SEPTIN2: variants seen among roughly 807,000 people sequenced by gnomAD.
SEPTIN2 encodes septin-2.
In SEPTIN2, 34 loss-of-function variants were observed where a neutral mutation model predicts 46.5. That is an observed-to-expected ratio of 0.73 (90% CI 0.56 to 0.97). The LOEUF is 0.97. Among genes scored for constraint, SEPTIN2 ranks in the 50% least tolerant of loss-of-function variants. The pLI is 0.00. For synonymous variants in SEPTIN2, 175 were observed against 153.4 expected (o/e 1.14, Z -1.04); for missense variants, 347 against 448.4 (o/e 0.77, Z 2.04).
intron 3 of SEPTIN2, among the ~76,000 whole-genome samples, chr2:241,329,165 G>A (rs932903530): frequency 6.6e-6 from 1 of 151,860 alleles, no homozygotes; most frequent in Non-Finnish European, 1.5e-5. Flanking sequence ...TCGCTCTGTT[G>A]CCCAGGCTGG....
At chr2:241,323,056 A>C (rs1246583302) in intron 1 of SEPTIN2, among the ~76,000 whole-genome samples, 3 of 152,054 alleles carry the variant, frequency 2.0e-5, no homozygotes, top group African/African-American at 7.2e-5. Context: ...TTTTGTAGAG[A>C]TAGGGTTTTG....
chr2:241,326,245 A>G, intron 3 of SEPTIN2, 132 bp downstream of exon 3: 1 of 771,006 alleles, frequency 1.3e-6, no homozygotes, highest in Non-Finnish European at 1.9e-6. Context: ...AATTTGAACA[A>G]ATATATGTGT....
At chr2:241,339,450 T>A (rs958275386) in intron 7 of SEPTIN2, among the ~76,000 whole-genome samples, 1 of 152,058 alleles carries the variant, frequency 6.6e-6, no homozygotes, top group Non-Finnish European at 1.5e-5. Flanking sequence ...AGAACATAGC[T>A]TATGTTTTTG....
chr2:241,348,767 T>C (rs2060509953), intron 11 of SEPTIN2, among the ~76,000 whole-genome samples: 1 of 152,190 alleles, frequency 6.6e-6, no homozygotes. Flanking sequence ...GTCACTGATA[T>C]TTGTAAGTAG....
Position 241,350,133 on chromosome 2 carries a change from G to T in SEPTIN2, c.1045G>T (p.Gly349Cys). Residue 349 changes from glycine (G) to cysteine (C), a missense_variant, in exon 12 of 13, where the codon GGC (glycine) becomes TGC (cysteine). By Grantham distance (159) the Gly-to-Cys change is radical. Coordinates refer to ENST00000391971, the MANE Select transcript of SEPTIN2 (RefSeq NM_004404.5). ...MQAQMQMQMQ[G>C]GDGDGGALGH... Reference sequence around the variant, plus strand: ...GGCGCAGATGCAGATGCAGATGCAGGGCGGGGATGGCGATGGCGGGGCTCT... The same window carrying T: ...GGCGCAGATGCAGATGCAGATGCAGTGCGGGGATGGCGATGGCGGGGCTCT... 1 of 1,614,020 alleles carries T rather than the reference G, an allele frequency of 6.2e-7. No individual in the cohort carries two copies. Among genetic ancestry groups the T allele is most frequent in the East Asian group, 2.2e-5 (1 of 44,886 alleles).
chr2:241,337,460 C>T lies in SEPTIN2; in HGVS notation c.420C>T (p.His140=). 1 of 1,614,046 alleles carries T rather than the reference C, an allele frequency of 6.2e-7. No homozygotes were observed. ...LHDESGLNRR[H]IIDNRVHCCF... is the part of the protein sequence containing the mutation. ...ACGAGAGCGGCTTGAACAGGCGGCACATCATTGATAATAGGGTGCATTGTT... is the reference window on the plus strand; with the variant it reads ...ACGAGAGCGGCTTGAACAGGCGGCATATCATTGATAATAGGGTGCATTGTT... The change falls in exon 6 of 13, where the codon CAC becomes CAT. Residue 140 remains histidine, a synonymous_variant. Coordinates refer to ENST00000391971, the MANE Select transcript of SEPTIN2 (RefSeq NM_004404.5).
Position 241,353,079 on chromosome 2 carries a change from T to G in SEPTIN2, c.*1142T>G, listed in dbSNP as rs2060897882. ...TGAGTTTCCTTTAAATACTCCCTTT[T>G]TGAGTAATTTTCTGATGGGAGGAAA... On this transcript the variant is annotated 3_prime_UTR_variant, in exon 13 of 13. Transcript: ENST00000391971. The G allele has an allele frequency of 6.6e-6, 1 of 152,208 alleles. No homozygotes were observed. The highest frequency in any genetic ancestry group is 2.4e-5 in the African/African-American group (1 of 41,462). 9.4% of individuals were successfully genotyped at this position (152,208 alleles called of 1,614,324 possible).
intron 7 of SEPTIN2, among the ~76,000 whole-genome samples, chr2:241,338,735 A>G (rs1463821178): frequency 5.1e-5 from 6 of 116,952 alleles, no homozygotes; most frequent in African/African-American, 1.7e-4. Context: ...TATATATATT[A>G]TATTATTTAT....
chr2:241,326,786 C>T (rs1422960945), intron 3 of SEPTIN2, among the ~76,000 whole-genome samples: 1 of 152,154 alleles, frequency 6.6e-6, no homozygotes, highest in Admixed American at 6.5e-5. Context: ...TGTAAGTGAC[C>T]CGTTTCAGAA....
At chr2:241,320,106 C>T in intron 1 of SEPTIN2, 1 of 393,646 alleles carries the variant, frequency 2.5e-6, no homozygotes. Flanking sequence ...CTATGGCGTT[C>T]ATTCATTCCT....
rs2080179197 is a variant in SEPTIN2 at position 241,337,243 on chromosome 2, AAGTC to A, written c.342-134_342-131del. The A allele has an allele frequency of 4.3e-5, 35 of 812,858 alleles. 1 individual carries two copies. The South Asian group carries it at 7.6e-4, about 18-fold the overall frequency. 50.4% of individuals were successfully genotyped at this position (812,858 alleles called of 1,614,324 possible). A position where few individuals can be genotyped will look rare whatever the true frequency, so the allele number is the denominator to read the frequency against. ...AAAAACTTCCATTTGCCAAATCTAA[AAGTC>A]AGTCTTCTGTTCTCATCTTGAAAAT... On this transcript the variant is annotated intron_variant, in intron 5 of 12. Coordinates refer to ENST00000391971, the MANE Select transcript of SEPTIN2 (RefSeq NM_004404.5).
rs1367986937 is a variant in SEPTIN2 at position 241,352,508 on chromosome 2, T to C, written c.*571T>C. 6.5e-6 allele frequency: 1 copy of C among 152,684 alleles called. No homozygotes were observed. The highest frequency in any genetic ancestry group is 2.4e-5 in the African/African-American group (1 of 41,466). The allele number at this position is 152,684 out of a possible 1,614,324, so 9.5% of individuals were successfully genotyped here. ...GCTATAATTCTATACTGTTGATTCG[T>C]CTGCGATTTTATCTGTTAACCAAAT... On this transcript the variant is annotated 3_prime_UTR_variant, in exon 13 of 13. Transcript: ENST00000391971.
intron 1 of SEPTIN2, chr2:241,320,380 C>T: frequency 2.2e-6 from 1 of 451,096 alleles, no homozygotes; most frequent in Non-Finnish European, 4.6e-6. Context: ...CCCATTTTTT[C>T]TGCATTTTCA....
chr2:241,345,077 C>T (rs181068517), intron 9 of SEPTIN2, among the ~76,000 whole-genome samples: 47 of 151,978 alleles, frequency 3.1e-4, no homozygotes, highest in African/African-American at 1.1e-3. Flanking sequence ...TGCGCCACTG[C>T]ACTCCAGCCT....
intron 1 of SEPTIN2, among the ~76,000 whole-genome samples, chr2:241,320,796 C>CA (rs1256216694): frequency 6.6e-6 from 1 of 152,020 alleles, no homozygotes; most frequent in African/African-American, 2.4e-5. Context: ...TCTCAAAAAA[C>CA]AAAAAGAAAA....
chr2:241,320,984 T>A (rs1559590771), intron 1 of SEPTIN2, among the ~76,000 whole-genome samples: 1 of 152,216 alleles, frequency 6.6e-6, no homozygotes, highest in African/African-American at 2.4e-5. Flanking sequence ...TCCAGTAATG[T>A]AACAAATTAC....
At chr2:241,336,287 A>C (rs1171991388) in intron 5 of SEPTIN2, 189 bp downstream of exon 5, 2 of 611,238 alleles carry the variant, frequency 3.3e-6, no homozygotes, top group Admixed American at 3.2e-5. Flanking sequence ...TTTTTCTGGT[A>C]CTCTACTGTA....
chr2:241,331,938 G>T (rs57990366), intron 3 of SEPTIN2, among the ~76,000 whole-genome samples: 3 of 151,986 alleles, frequency 2.0e-5, no homozygotes, highest in Non-Finnish European at 4.4e-5. Flanking sequence ...TTTTGGTTTC[G>T]TTTTTTGAGA....
intron 7 of SEPTIN2, among the ~76,000 whole-genome samples, chr2:241,338,802 C>CATATTATATTTATATTATTATATAATAT (rs2080647935): frequency 1.2e-5 from 1 of 81,260 alleles, no homozygotes; most frequent in African/African-American, 5.3e-5. Context: ...ATATATAATA[C>CATATTATATTTATATTATTATATAATAT]ATATTATATT....
Sources: gnomAD v4.1 joint callset for allele counts (sites outside exome capture counted in the v4.1 genomes callset) on GRCh38, gnomAD v4.1.1 for gene constraint, MANE v1.5 for transcripts, NCBI Gene and HGNC (gene_info 2026-07-23, HGNC 2026-07-21) for gene names.